The following TYR variants were observed in gnomAD, a reference collection of about 807,000 sequenced individuals.
The protein encoded by TYR is LB24-AB.
In TYR, 58 loss-of-function variants were observed where a neutral mutation model predicts 51.5. The ratio of observed to expected loss-of-function variants is 1.13; its 90% confidence interval spans 0.91 to 1.40. The LOEUF is 1.40. TYR is among the 40% of genes most tolerant of loss of function. The probability of loss-of-function intolerance (pLI) is 0.00; values close to 1 mark genes in which losing one functional copy is unlikely to be tolerated. For missense variants in TYR, 732 were observed against 647.4 expected, an observed-to-expected ratio of 1.13 and a Z score of -1.42; for synonymous variants, 263 against 235.2, an observed-to-expected ratio of 1.12 and a Z score of -1.08.
chr11:89,277,263 T>A (rs1193508887), intron 3 of TYR, among the ~76,000 whole-genome samples: 15 of 151,552 alleles, frequency 9.9e-5, no homozygotes, highest in East Asian at 7.8e-4. Flanking sequence ...AGAAAAAAAA[T>A]TTAGGAATGC....
chr11:89,223,291 G>A (rs1651089871), intron 2 of TYR, among the ~76,000 whole-genome samples: 1 of 152,092 alleles, frequency 6.6e-6, no homozygotes, highest in Non-Finnish European at 1.5e-5. Context: ...ATATATATGG[G>A]CACTATTTTG....
intron 2 of TYR, among the ~76,000 whole-genome samples, chr11:89,218,273 A>G (rs534351412): frequency 6.6e-6 from 1 of 152,352 alleles, no homozygotes; most frequent in African/African-American, 2.4e-5. Context: ...TACATGTTTT[A>G]GAAAGAGAAA....
intron 3 of TYR, among the ~76,000 whole-genome samples, chr11:89,270,808 C>T (rs916789989): frequency 2.6e-5 from 4 of 151,818 alleles, no homozygotes; most frequent in Admixed American, 6.6e-5. Context: ...TATAAATATA[C>T]TAATATGAAT....
chr11:89,282,335 G>A (rs964935215), intron 3 of TYR, among the ~76,000 whole-genome samples: 1 of 151,572 alleles, frequency 6.6e-6, no homozygotes. Flanking sequence ...GTGGTGGAGG[G>A]ATTATCAGAC....
chr11:89,202,628 C>CACACACAA (rs1243726131), intron 2 of TYR, among the ~76,000 whole-genome samples: 2 of 151,308 alleles, frequency 1.3e-5, no homozygotes, highest in African/African-American at 2.4e-5. Context: ...ATAATACACA[C>CACACACAA]ACACACACAC....
Position 89,295,143 on chromosome 11 carries a change from A to T in TYR, c.1367A>T (p.Asp456Val). ...GYDYSYLQDS[D>V]PDSFQDYIKS... ...ACAATGGGATGTCTTTTTATTTCAG[A>T]CCCAGACTCTTTTCAAGACTACATT... Residue 456 changes from aspartate to valine, a missense_variant and splice_region_variant, in exon 5 of 5, where the codon GAC (aspartate) becomes GTC (valine). Asp to Val is a radical substitution (Grantham distance 152). Transcript: ENST00000263321. 1.9e-6 allele frequency: 3 copies of T among 1,613,920 alleles called. No individual in the cohort carries two copies. Among genetic ancestry groups the T allele is most frequent in the Non-Finnish European group, 2.5e-6 (3 of 1,179,862 alleles).
At chr11:89,189,977 C>A (rs1943421060) in intron 1 of TYR, among the ~76,000 whole-genome samples, 1 of 152,116 alleles carries the variant, frequency 6.6e-6, no homozygotes, top group Non-Finnish European at 1.5e-5. Flanking sequence ...GACATCATAG[C>A]AGTCATAATA....
intron 4 of TYR, among the ~76,000 whole-genome samples, chr11:89,290,472 T>G (rs1005694312): frequency 2.6e-5 from 4 of 152,102 alleles, no homozygotes; most frequent in African/African-American, 9.7e-5. Context: ...CCTCTATGTA[T>G]CCTGCCTTTT....
rs913476275 is a variant in TYR at position 89,182,438 on chromosome 11, G to A, written c.819+3666G>A. ...CTCAAATTTGGGTATAATATATCTT[G>A]TGTCGTTCTCTCTGGTAGTTCCATA... On this transcript the variant is annotated intron_variant, in intron 1 of 4. Coordinates refer to ENST00000263321, the MANE Select transcript of TYR (RefSeq NM_000372.5). Among the ~76,000 whole-genome samples, 3 of 152,172 alleles carry A rather than the reference G, an allele frequency of 2.0e-5. No individual in the cohort carries two copies. In the Middle Eastern group the frequency reaches 0.01, roughly 518 times the overall value.
chr11:89,188,864 G>T (rs186894879), intron 1 of TYR, among the ~76,000 whole-genome samples: 1 of 152,056 alleles, frequency 6.6e-6, no homozygotes, highest in Non-Finnish European at 1.5e-5. Flanking sequence ...TGAAGTTATA[G>T]AAGAGAGGGA....
In TYR at chr11:89,274,825, C is replaced by T. The variant is rs551512576; in HGVS notation, c.1185-9948C>T. ...TGGCAGGTTCTTCCTACGTTCATAA[C>T]AAGATATATTGTACGGCTTTCCCCA... On this transcript the variant is annotated intron_variant, in intron 3 of 4. Transcript: ENST00000263321. Among the ~76,000 whole-genome samples the T allele has an allele frequency of 3.3e-5, 5 of 151,878 alleles. No individual in the cohort carries two copies. In the South Asian group the frequency reaches 1.0e-3, roughly 32 times the overall value.
At chr11:89,246,497 C>T (rs1944269720) in intron 3 of TYR, among the ~76,000 whole-genome samples, 1 of 152,146 alleles carries the variant, frequency 6.6e-6, no homozygotes, top group South Asian at 2.1e-4. Context: ...TAAATGCTCT[C>T]CAGTATTGGC....
intron 3 of TYR, among the ~76,000 whole-genome samples, chr11:89,280,172 T>A (rs1054464735): frequency 7.9e-5 from 12 of 151,604 alleles, no homozygotes; most frequent in Non-Finnish European, 1.8e-4. Context: ...TCAACATTCA[T>A]CTTGTATATT....
chr11:89,254,403 C>A (rs1218522626), intron 3 of TYR, among the ~76,000 whole-genome samples: 3 of 151,624 alleles, frequency 2.0e-5, no homozygotes, highest in African/African-American at 4.8e-5. Context: ...GGATTCATAA[C>A]AATTCTTTGA....
At chr11:89,208,105 A>G (rs911201701) in intron 2 of TYR, among the ~76,000 whole-genome samples, 2 of 151,756 alleles carry the variant, frequency 1.3e-5, no homozygotes, top group Non-Finnish European at 2.9e-5. Flanking sequence ...CGTCTCTACT[A>G]AAAATACAAA....
At chr11:89,238,258 T>A (rs1944145221) in intron 3 of TYR, among the ~76,000 whole-genome samples, 1 of 152,328 alleles carries the variant, frequency 6.6e-6, no homozygotes, top group African/African-American at 2.4e-5. Context: ...AATTTATTCC[T>A]AAGAATTTTT....
intron 3 of TYR, among the ~76,000 whole-genome samples, chr11:89,259,053 C>T (rs1309299829): frequency 6.6e-6 from 1 of 151,990 alleles, no homozygotes; most frequent in Non-Finnish European, 1.5e-5. Flanking sequence ...GTGCAAGCCC[C>T]AAACACAGAA....
chr11:89,227,744 T>A, intron 2 of TYR, 79 bp from the exon 3 acceptor site: 1 of 1,268,076 alleles, frequency 7.9e-7, no homozygotes, highest in Non-Finnish European at 1.1e-6. Flanking sequence ...AAGTTATAGT[T>A]ATAAATCAAA....
At chr11:89,222,024 A>G (rs1943918457) in intron 2 of TYR, among the ~76,000 whole-genome samples, 1 of 152,208 alleles carries the variant, frequency 6.6e-6, no homozygotes, top group Non-Finnish European at 1.5e-5. Context: ...GTAGTTGCTC[A>G]ATTTCTTAAA....
Sources: allele counts gnomAD v4.1 joint callset (sites outside exome capture counted in the v4.1 genomes callset), GRCh38; gene constraint gnomAD v4.1.1; transcripts MANE v1.5; gene names NCBI Gene and HGNC (gene_info 2026-07-23, HGNC 2026-07-21).